CEMIP2: variants seen among roughly 807,000 people sequenced by gnomAD.
CEMIP2 encodes the protein cell migration inducing hyaluronidase 2.
A neutral mutation model predicts 146.9 loss-of-function variants in CEMIP2; 79 were observed. That is an observed-to-expected ratio of 0.54 (90% CI 0.45 to 0.65). CEMIP2 has a LOEUF of 0.65. Ranked by LOEUF, CEMIP2 falls within the 30% of genes least tolerant of loss-of-function variation. CEMIP2 has a pLI of 0.00. For synonymous variants in CEMIP2, 601 were observed against 606.3 expected, an observed-to-expected ratio of 0.99 and a Z score of 0.13; for missense variants, 1,596 against 1,696.2, an observed-to-expected ratio of 0.94 and a Z score of 1.04.
At chr9:71,757,238 G>T (rs981447069) in intron 1 of CEMIP2, among the ~76,000 whole-genome samples, 4 of 152,116 alleles carry the variant, frequency 2.6e-5, no homozygotes, top group African/African-American at 9.7e-5. Context: ...CAATACTTTT[G>T]ATTCATTTAA....
intron 18 of CEMIP2, among the ~76,000 whole-genome samples, chr9:71,702,261 GAA>G (rs67059194): frequency 6.6e-5 from 7 of 106,118 alleles, no homozygotes; most frequent in African/African-American, 1.7e-4. Flanking sequence ...TTGTCTCAAG[GAA>G]AAAAAAAAAA....
At chr9:71,705,909 G>A (rs953215934) in intron 17 of CEMIP2, among the ~76,000 whole-genome samples, 3 of 151,888 alleles carry the variant, frequency 2.0e-5, no homozygotes, top group African/African-American at 7.3e-5. Flanking sequence ...TTCTCCCTGA[G>A]TACCTTTATC....
At chr9:71,714,844 T>C in intron 15 of CEMIP2, 90 bp downstream of exon 15, 2 of 1,383,748 alleles carry the variant, frequency 1.4e-6, no homozygotes, top group Non-Finnish European at 2.0e-6. Flanking sequence ...TAGGAACCAA[T>C]CCATCCAGGA....
intron 16 of CEMIP2, among the ~76,000 whole-genome samples, chr9:71,711,383 C>T (rs1044137419): frequency 2.1e-5 from 3 of 145,562 alleles, no homozygotes; most frequent in South Asian, 2.2e-4. Flanking sequence ...GCTAATGAGG[C>T]CCTTTCTCTA....
intron 11 of CEMIP2, among the ~76,000 whole-genome samples, chr9:71,723,676 T>G (rs1219003450): frequency 6.6e-6 from 1 of 152,112 alleles, no homozygotes; most frequent in Non-Finnish European, 1.5e-5. Flanking sequence ...CCATAAGACA[T>G]TCAAAGGGTA....
At chr9:71,709,008 A>C (rs1047315247) in intron 17 of CEMIP2, among the ~76,000 whole-genome samples, 1 of 152,230 alleles carries the variant, frequency 6.6e-6, no homozygotes, top group Non-Finnish European at 1.5e-5. Context: ...AGGGTAAATC[A>C]GCTCTCCTCT....
In CEMIP2 at chr9:71,694,522, G is replaced by A. The variant is rs144169837; in HGVS notation, c.3683C>T (p.Pro1228Leu). Residue 1228 changes from proline (P) to leucine (L), a missense_variant, in exon 21 of 24, where the codon CCG (proline) becomes CTG (leucine). By Grantham distance (98) the Pro-to-Leu change is moderately conservative. Coordinates refer to ENST00000377044, the MANE Select transcript of CEMIP2 (RefSeq NM_013390.3). Reference sequence around the variant, plus strand: ...GATGGTACTTACAGAAATAACAGACGGGTCTCCACGCTGGGTTTCTGCTTT... The same window carrying A: ...GATGGTACTTACAGAAATAACAGACAGGTCTCCACGCTGGGTTTCTGCTTT... Reference protein sequence around the residue: ...PDKAETQRGDPSVISVNGTDF... With the variant: ...PDKAETQRGDLSVISVNGTDF... 68 of 1,613,022 alleles carry A rather than the reference G, an allele frequency of 4.2e-5. No homozygotes were observed. The highest frequency in any genetic ancestry group is 1.6e-4 in the East Asian group (7 of 44,848).
At chr9:71,764,611 T>G (rs1467760810) in intron 1 of CEMIP2, among the ~76,000 whole-genome samples, 2 of 152,126 alleles carry the variant, frequency 1.3e-5, no homozygotes, top group Non-Finnish European at 2.9e-5. Flanking sequence ...TCTAGAAAAC[T>G]GATTTACATT....
At chr9:71,715,625 G>GATATATATATAT (rs71790721) in intron 14 of CEMIP2, among the ~76,000 whole-genome samples, 19,543 of 118,256 alleles carry the variant, frequency 0.17, 2,431 homozygotes, top group Non-Finnish European at 0.24. Flanking sequence ...TCCCTCTTAA[G>GATATATATATAT]ATATATATAT....
At chr9:71,751,355 G>A (rs944230708) in intron 1 of CEMIP2, among the ~76,000 whole-genome samples, 4 of 152,284 alleles carry the variant, frequency 2.6e-5, no homozygotes, top group Admixed American at 2.6e-4. Context: ...TTCATTACTT[G>A]TGTTCTAATG....
At chr9:71,694,101 T>TTATC (rs1435790754) in intron 21 of CEMIP2, among the ~76,000 whole-genome samples, 1 of 26,438 alleles carries the variant, frequency 3.8e-5, no homozygotes, top group Non-Finnish European at 1.0e-4. Flanking sequence ...TTGTTTATTT[T>TTATC]TATTTATTTA....
intron 4 of CEMIP2, among the ~76,000 whole-genome samples, chr9:71,743,866 C>T (rs1318805990): frequency 6.6e-6 from 1 of 152,092 alleles, no homozygotes; most frequent in East Asian, 1.9e-4. Context: ...AGGTAATACC[C>T]CATTCCAACA....
At chr9:71,766,324 C>T (rs540738411) in intron 1 of CEMIP2, among the ~76,000 whole-genome samples, 3 of 152,256 alleles carry the variant, frequency 2.0e-5, no homozygotes, top group South Asian at 2.1e-4. Flanking sequence ...CCACCTGCCT[C>T]GGCCTCCCAA....
At chr9:71,728,836 T>TGTGC (rs553008247) in intron 10 of CEMIP2, among the ~76,000 whole-genome samples, 10,267 of 151,564 alleles carry the variant, frequency 0.068, 501 homozygotes, top group South Asian at 0.19. Context: ...TGTGTGTGTG[T>TGTGC]GTGTGTTTTT....
At chr9:71,727,932 G>A (rs1036475972) in intron 10 of CEMIP2, among the ~76,000 whole-genome samples, 15 of 152,014 alleles carry the variant, frequency 9.9e-5, no homozygotes, top group Admixed American at 7.2e-4. Flanking sequence ...GTGGTGGCAG[G>A]GGCCTGTAAT....
At chr9:71,717,884 T>A in intron 13 of CEMIP2, 64 bp downstream of exon 13, 12 of 1,474,214 alleles carry the variant, frequency 8.1e-6, no homozygotes, top group South Asian at 2.8e-5. Context: ...CTACTGGCTT[T>A]AAAAAAAATC....
Position 71,687,618 on chromosome 9 carries a change from C to T in CEMIP2, c.3852-1772G>A, listed in dbSNP as rs182684915. 2.0e-5 allele frequency among the ~76,000 whole-genome samples: 3 copies of T among 151,958 alleles called. 1 individual carries two copies. The highest frequency in any genetic ancestry group is 7.2e-5 in the African/African-American group (3 of 41,432). On this transcript the variant is annotated intron_variant, in intron 22 of 23. Coordinates refer to ENST00000377044, the MANE Select transcript of CEMIP2 (RefSeq NM_013390.3). ...CTGAGATGAGAGGATCATTTGAGCC[C>T]AGGAGTTCAAGACCAGCCTGGGAAA...
In CEMIP2 at chr9:71,746,189, A is replaced by ACCATTACC. The variant is rs1564022879; in HGVS notation, c.472+4_472+11dup. 1.2e-6 allele frequency: 2 copies of ACCATTACC among 1,612,234 alleles called. No individual in the cohort carries two copies. The highest frequency in any genetic ancestry group is 2.2e-5 in the South Asian group (2 of 90,860). The stretch of plus-strand genomic sequence containing the variant: ...AACCTTGCAGTTCCCATAGGCAGGA[A>ACCATTACC]CCATTACCTACCTCCATCCTGAATG... On this transcript the variant is annotated intron_variant, in intron 3 of 23. Transcript: ENST00000377044.
intron 16 of CEMIP2, 95 bp downstream of exon 16, chr9:71,711,988 C>G (rs1822918812): frequency 2.2e-6 from 3 of 1,361,262 alleles, no homozygotes; most frequent in Non-Finnish European, 3.0e-6. Flanking sequence ...CTCGTACAGA[C>G]TCGGTGCAAA....
Sources: gnomAD v4.1 joint callset for allele counts (sites outside exome capture counted in the v4.1 genomes callset) on GRCh38, gnomAD v4.1.1 for gene constraint, MANE v1.5 for transcripts, NCBI Gene and HGNC (gene_info 2026-07-23, HGNC 2026-07-21) for gene names.